MDGA2: variants seen among roughly 807,000 people sequenced by gnomAD.
MDGA2 encodes MAM domain-containing glycosylphosphatidylinositol anchor protein 2.
MDGA2 carries 40 observed loss-of-function variants against 117.8 expected under a neutral mutation model. The observed-to-expected ratio is 0.34, with a 90% CI of 0.26 to 0.44. MDGA2 has a LOEUF of 0.44. MDGA2 is among the 20% of genes least tolerant of loss of function. The pLI, the probability that MDGA2 is intolerant of heterozygous loss-of-function variation, is 1.00. For missense variants in MDGA2, 1,123 were observed against 1,250.6 expected, an observed-to-expected ratio of 0.90 and a Z score of 1.54; for synonymous variants, 452 against 439.0, an observed-to-expected ratio of 1.03 and a Z score of -0.37.
chr14:47,286,295 C>G (rs2139755718), intron 2 of MDGA2, among the ~76,000 whole-genome samples: 2 of 152,026 alleles, frequency 1.3e-5, no homozygotes, highest in Middle Eastern at 3.4e-3. Flanking sequence ...AATAGTCACC[C>G]TATTGTGCTA....
chr14:46,993,058 A>G (rs1443250144), intron 8 of MDGA2, among the ~76,000 whole-genome samples: 1 of 151,638 alleles, frequency 6.6e-6, no homozygotes, highest in African/African-American at 2.4e-5. Context: ...CATTGTAAAT[A>G]GTTATCCTTA....
intron 1 of MDGA2, among the ~76,000 whole-genome samples, chr14:47,588,357 A>G (rs956348738): frequency 1.2e-4 from 18 of 151,138 alleles, no homozygotes; most frequent in African/African-American, 4.4e-4. Flanking sequence ...AATGGCCAAA[A>G]CATTTTATAT....
chr14:47,344,407 T>TCCC (rs1890718060), intron 1 of MDGA2, among the ~76,000 whole-genome samples: 1 of 152,136 alleles, frequency 6.6e-6, no homozygotes, highest in South Asian at 2.1e-4. Flanking sequence ...ATTAAAATAG[T>TCCC]TGATTCTTCC....
intron 3 of MDGA2, chr14:47,200,805 G>C: frequency 2.5e-6 from 2 of 803,222 alleles, no homozygotes; most frequent in Non-Finnish European, 4.3e-6. Context: ...GGCTTCAAAC[G>C]CACGACCTTC....
chr14:47,379,277 C>T (rs933522481), intron 1 of MDGA2, among the ~76,000 whole-genome samples: 10 of 152,156 alleles, frequency 6.6e-5, no homozygotes, highest in African/African-American at 2.4e-4. Flanking sequence ...ATTGTAAAGA[C>T]CATCGATGCT....
chr14:47,208,012 ACTCT>A (rs1302294475), intron 3 of MDGA2, among the ~76,000 whole-genome samples: 1 of 152,004 alleles, frequency 6.6e-6, no homozygotes, highest in Non-Finnish European at 1.5e-5. Flanking sequence ...GGTCAGATGT[ACTCT>A]CTGACACCCT....
intron 1 of MDGA2, among the ~76,000 whole-genome samples, chr14:47,615,947 G>A (rs1896941046): frequency 6.6e-6 from 1 of 152,038 alleles, no homozygotes. Flanking sequence ...TAGCATGGGT[G>A]GGGCTGGAAA....
intron 8 of MDGA2, among the ~76,000 whole-genome samples, chr14:46,968,845 A>T (rs538489353): frequency 6.6e-6 from 1 of 152,202 alleles, no homozygotes; most frequent in African/African-American, 2.4e-5. Context: ...TAAAAAAAAA[A>T]AAAAAACAAA....
At chr14:47,081,734 G>A (rs1297225196) in intron 6 of MDGA2, among the ~76,000 whole-genome samples, 1 of 152,056 alleles carries the variant, frequency 6.6e-6, no homozygotes, top group East Asian at 1.9e-4. Context: ...ATTATTTTTA[G>A]TATGCAGTGA....
chr14:47,674,650 G>A lies in MDGA2; in HGVS notation c.147C>T (p.Ala49=), dbSNP rs1271300464. ...TACGCAACGGGACCTTCAGGAGGCC[G>A]GCGGCCAGCCAGGCGCGCTCCACTC... The part of the protein sequence containing the change: ...RARVERAWLA[A]GLLKVPLRTP... Residue 49 remains alanine, a synonymous_variant, in exon 1 of 17, where the codon GCC becomes GCT. Coordinates refer to ENST00000399232, the MANE Select transcript of MDGA2 (RefSeq NM_001113498.3). 3 of 1,488,244 alleles carry A rather than the reference G, an allele frequency of 2.0e-6. No individual in the cohort carries two copies. The highest frequency in any genetic ancestry group is 3.9e-5 in the Admixed American group (2 of 50,814). 92.2% of individuals were successfully genotyped at this position (1,488,244 alleles called of 1,614,324 possible). A position where few individuals can be genotyped will look rare whatever the true frequency, so the allele number is the denominator to read the frequency against.
intron 8 of MDGA2, among the ~76,000 whole-genome samples, chr14:47,027,591 T>C (rs957013679): frequency 6.7e-6 from 1 of 149,868 alleles, no homozygotes; most frequent in East Asian, 2.0e-4. Flanking sequence ...TTTCAGATAA[T>C]GTATAGTCAA....
intron 13 of MDGA2, 163 bp downstream of exon 13, chr14:46,873,882 A>C: frequency 1.6e-6 from 1 of 636,496 alleles, no homozygotes; most frequent in Non-Finnish European, 2.4e-6. Flanking sequence ...AGAAAAAATT[A>C]ATGTCTACAA....
At chr14:47,045,218 G>A (rs937087366) in intron 7 of MDGA2, among the ~76,000 whole-genome samples, 2 of 151,042 alleles carry the variant, frequency 1.3e-5, no homozygotes, top group African/African-American at 4.9e-5. Flanking sequence ...CTCATGAACA[G>A]ATAAGTGAAT....
At chr14:47,472,556 A>C (rs1893750892) in intron 1 of MDGA2, among the ~76,000 whole-genome samples, 1 of 152,164 alleles carries the variant, frequency 6.6e-6, no homozygotes, top group African/African-American at 2.4e-5. Flanking sequence ...TTCCACGACA[A>C]GGTAATGTAG....
At chr14:46,850,949 T>G (rs947269863) in intron 15 of MDGA2, among the ~76,000 whole-genome samples, 1 of 151,886 alleles carries the variant, frequency 6.6e-6, no homozygotes, top group East Asian at 1.9e-4. Context: ...GGAATGTGGC[T>G]TAGAATGCCA....
At chr14:47,457,202 A>G (rs7146619) in intron 1 of MDGA2, among the ~76,000 whole-genome samples, 4,875 of 152,294 alleles carry the variant, frequency 0.032, 260 homozygotes, top group African/African-American at 0.11. Flanking sequence ...TTCTTGGAAT[A>G]TATTCTCCCA....
At chr14:47,660,034 T>A (rs1466576111) in intron 1 of MDGA2, among the ~76,000 whole-genome samples, 1 of 151,982 alleles carries the variant, frequency 6.6e-6, no homozygotes, top group Non-Finnish European at 1.5e-5. Flanking sequence ...AATCAGTGCT[T>A]CTCCATGCTT....
chr14:47,239,263 C>T (rs977212257), intron 2 of MDGA2, among the ~76,000 whole-genome samples: 3 of 149,672 alleles, frequency 2.0e-5, no homozygotes, highest in Admixed American at 6.7e-5. Flanking sequence ...AATTAAATTA[C>T]GGACAAATTC....
chr14:47,156,636 C>A (rs1485678840), intron 3 of MDGA2, among the ~76,000 whole-genome samples: 1 of 152,130 alleles, frequency 6.6e-6, no homozygotes, highest in African/African-American at 2.4e-5. Context: ...TTTATTCCAC[C>A]ATTTGGTCCA....
Sources: gnomAD v4.1 joint callset for allele counts (sites outside exome capture counted in the v4.1 genomes callset) on GRCh38, gnomAD v4.1.1 for gene constraint, MANE v1.5 for transcripts, NCBI Gene and HGNC (gene_info 2026-07-23, HGNC 2026-07-21) for gene names.